The following MYO1D variants were observed in gnomAD, a reference collection of about 807,000 sequenced individuals.
MYO1D encodes the protein myosin ID.
A neutral mutation model predicts 122.0 loss-of-function variants in MYO1D; 83 were observed. That is an observed-to-expected ratio of 0.68 (90% confidence interval 0.57 to 0.82). The LOEUF is 0.82. MYO1D is among the 40% of genes least tolerant of loss of function. MYO1D has a pLI of 0.00. For synonymous variants in MYO1D, 464 were observed against 446.9 expected, an observed-to-expected ratio of 1.04 and a Z score of -0.48; for missense variants, 1,157 against 1,269.5, an observed-to-expected ratio of 0.91 and a Z score of 1.35.
intron 1 of MYO1D, among the ~76,000 whole-genome samples, chr17:32,790,047 C>CAATAAGATATGCTTCTTCACCTATATAG (rs2151035437): frequency 6.6e-6 from 1 of 152,228 alleles, no homozygotes; most frequent in South Asian, 2.1e-4. Context: ...ATCAAATCAA[C>CAATAAGATATGCTTCTTCACCTATATAG]AATAAGATAT....
intron 16 of MYO1D, among the ~76,000 whole-genome samples, chr17:32,661,929 G>T (rs2088571469): frequency 6.6e-6 from 1 of 152,140 alleles, no homozygotes; most frequent in Admixed American, 6.5e-5. Flanking sequence ...TAAGAAGTAT[G>T]AATGTTCTTT....
At position 32,534,888 on chromosome 17, in the gene MYO1D, G is replaced by A. The variant is rs181034585; in HGVS notation, c.2865-39973C>T. Among the ~76,000 whole-genome samples, 3 of 152,320 alleles carry A rather than the reference G, an allele frequency of 2.0e-5. No individual in the cohort carries two copies. The East Asian group carries it at 5.8e-4, about 29-fold the overall frequency. On this transcript the variant is annotated intron_variant, in intron 21 of 21. Coordinates refer to ENST00000318217, the MANE Select transcript of MYO1D (RefSeq NM_015194.3). ...AATCTTAAAAACCCCCAGCTGCTGTGCTTCAGTCAACAGGGAACAAGAGGT... is the reference window on the plus strand; with the variant it reads ...AATCTTAAAAACCCCCAGCTGCTGTACTTCAGTCAACAGGGAACAAGAGGT...
intron 1 of MYO1D, among the ~76,000 whole-genome samples, chr17:32,801,947 C>T (rs931703377): frequency 2.0e-5 from 3 of 152,340 alleles, no homozygotes; most frequent in African/African-American, 4.8e-5. Context: ...CCAGCTGAAA[C>T]GGACCTCCAC....
chr17:32,575,908 A>G (rs757623404), intron 21 of MYO1D, among the ~76,000 whole-genome samples: 2 of 152,234 alleles, frequency 1.3e-5, no homozygotes, highest in Non-Finnish European at 2.9e-5. Flanking sequence ...GGTTCCTAGT[A>G]TGCTTGTTGT....
chr17:32,604,948 G>A (rs1013914634), intron 21 of MYO1D, 139 bp downstream of exon 21: 34 of 805,102 alleles, frequency 4.2e-5, no homozygotes, highest in Middle Eastern at 6.8e-4. Context: ...TACCTTCTGC[G>A]AAACAGATGA....
At chr17:32,607,126 C>T (rs1357455831) in intron 20 of MYO1D, among the ~76,000 whole-genome samples, 2 of 151,966 alleles carry the variant, frequency 1.3e-5, no homozygotes, top group Non-Finnish European at 2.9e-5. Context: ...CGTCACTGCA[C>T]TTCAGCCTGG....
chr17:32,709,115 G>T (rs2150985012), intron 16 of MYO1D, among the ~76,000 whole-genome samples: 1 of 152,278 alleles, frequency 6.6e-6, no homozygotes, highest in Non-Finnish European at 1.5e-5. Flanking sequence ...TATCGCTGTA[G>T]ATTTAAAAAG....
intron 13 of MYO1D, 146 bp from the exon 14 acceptor site, chr17:32,738,531 TCC>T: frequency 2.4e-6 from 2 of 821,504 alleles, no homozygotes; most frequent in Non-Finnish European, 3.5e-6. Flanking sequence ...GATGATTCCA[TCC>T]AGAAAATTAT....
intron 1 of MYO1D, among the ~76,000 whole-genome samples, chr17:32,798,724 A>C (rs1448789400): frequency 5.9e-5 from 9 of 152,210 alleles, no homozygotes; most frequent in Admixed American, 5.9e-4. Context: ...TAAATTTGGA[A>C]GGGTGTAAAG....
chr17:32,738,285 T>C lies in MYO1D; in HGVS notation c.1714A>G (p.Met572Val), dbSNP rs745498300. Residue 572 changes from methionine to valine, a missense_variant, in exon 14 of 22, where the codon ATG (methionine) becomes GTG (valine). Transcript: ENST00000318217. ...GCAAGGTTGTCTACTAGAGCAATCA[T>C]AGAATTCTTAAACAAGGTAGCAGCA... ...LTAATLFKNSMIALVDNLASK... is the reference protein window; with the variant it reads ...LTAATLFKNSVIALVDNLASK... 24 of 1,609,310 alleles carry C rather than the reference T, an allele frequency of 1.5e-5. No homozygotes were observed. Among genetic ancestry groups the C allele is most frequent in the East Asian group, 2.2e-5 (1 of 44,772 alleles).
At chr17:32,767,783 A>G (rs373719125) in intron 6 of MYO1D, 31 bp from the exon 7 acceptor site, 23 of 1,455,088 alleles carry the variant, frequency 1.6e-5, no homozygotes, top group Non-Finnish European at 2.1e-5. Context: ...CTGAAGTTAC[A>G]GATATTTCCT....
chr17:32,539,506 C>T (rs933776523), intron 21 of MYO1D, among the ~76,000 whole-genome samples: 54 of 152,114 alleles, frequency 3.5e-4, no homozygotes, highest in African/African-American at 1.3e-3. Flanking sequence ...GTGAGCAGGG[C>T]CATGTTCCCT....
intron 16 of MYO1D, among the ~76,000 whole-genome samples, chr17:32,681,446 G>C (rs2150967148): frequency 6.8e-6 from 1 of 146,358 alleles, no homozygotes; most frequent in African/African-American, 2.5e-5. Context: ...ATTCTGGTAT[G>C]TTGTGTCTTT....
chr17:32,838,457 G>A (rs1381715904), intron 1 of MYO1D, among the ~76,000 whole-genome samples: 2 of 152,100 alleles, frequency 1.3e-5, no homozygotes, highest in Non-Finnish European at 1.5e-5. Context: ...ACGTTAGATT[G>A]TAGGGATAAA....
intron 20 of MYO1D, 26 bp downstream of exon 20, chr17:32,638,696 T>C (rs371144380): frequency 2.7e-6 from 4 of 1,508,502 alleles, no homozygotes; most frequent in Non-Finnish European, 3.7e-6. Context: ...AGAATCTTTA[T>C]CCAGAGAGAA....
At chr17:32,649,575 T>C (rs1319836586) in intron 19 of MYO1D, among the ~76,000 whole-genome samples, 10 of 130,924 alleles carry the variant, frequency 7.6e-5, no homozygotes, top group African/African-American at 2.7e-4. Context: ...TTCTTTTTTT[T>C]TTTTTTTTTT....
intron 4 of MYO1D, 64 bp from the exon 5 acceptor site, chr17:32,772,906 C>A: frequency 7.4e-7 from 1 of 1,353,958 alleles, no homozygotes; most frequent in Non-Finnish European, 1.1e-6. Context: ...ACAGGAGCCA[C>A]TTTCTTAGGG....
Position 32,772,839 on chromosome 17 carries a change from G to A in MYO1D, c.568C>T (p.Arg190Ter), listed in dbSNP as rs142488661. ...TCTCCTGGCTGTTGCACAATCACTC[G>A]AGACTAAGAAAAAACACATTAAAAT... ...HINNYLLEKS[R>*]VIVQQPGERS... The change falls in exon 5 of 22, where the codon CGA (arginine) becomes TGA (stop). Residue 190 changes from arginine to a stop codon, truncating the protein, a stop_gained. Transcript: ENST00000318217. LOFTEE classifies it high-confidence loss of function. 3.9e-5 allele frequency: 63 copies of A among 1,613,042 alleles called. No homozygotes were observed. The highest frequency in any genetic ancestry group is 1.0e-4 in the Admixed American group (6 of 59,976).
chr17:32,512,904 A>T (rs925555859), intron 21 of MYO1D: 3 of 152,312 alleles, frequency 2.0e-5, no homozygotes, highest in African/African-American at 7.2e-5. Context: ...AATGAGTTCA[A>T]GATGAGTGGG....
Sources: allele counts gnomAD v4.1 joint callset (sites outside exome capture counted in the v4.1 genomes callset), GRCh38; gene constraint gnomAD v4.1.1; transcripts MANE v1.5; gene names NCBI Gene and HGNC (gene_info 2026-07-23, HGNC 2026-07-21).